The following SIPA1L3 variants were observed in gnomAD, a reference collection of about 807,000 sequenced individuals.
SIPA1L3 encodes signal induced proliferation associated 1 like 3, also known as signal-induced proliferation-associated 1-like protein 3.
A neutral mutation model predicts 150.1 loss-of-function variants in SIPA1L3; 59 were observed. The observed-to-expected ratio is 0.39, with a 90% CI of 0.32 to 0.49. The LOEUF (loss-of-function observed/expected upper bound fraction) is 0.49, where lower values mean the gene tolerates loss of function less well. SIPA1L3 is among the 20% of genes least tolerant of loss of function. The pLI is 0.86. For missense variants in SIPA1L3, 2,211 were observed against 2,489.5 expected, an observed-to-expected ratio of 0.89 and a Z score of 2.38; for synonymous variants, 1,070 against 1,077.6, an observed-to-expected ratio of 0.99 and a Z score of 0.14.
intron 1 of SIPA1L3, among the ~76,000 whole-genome samples, chr19:37,987,326 G>A (rs1260827842): frequency 6.6e-6 from 1 of 152,172 alleles, no homozygotes; most frequent in Admixed American, 6.5e-5. Flanking sequence ...CTTTTCAGAT[G>A]TGTAGAATCT....
intron 13 of SIPA1L3, among the ~76,000 whole-genome samples, chr19:38,160,315 A>T (rs948789850): frequency 2.1e-5 from 3 of 145,286 alleles, no homozygotes; most frequent in Non-Finnish European, 4.6e-5. Flanking sequence ...CACCTGGCCA[A>T]TTTTTTTTTA....
chr19:38,084,762 C>A (rs1335592116), intron 3 of SIPA1L3, among the ~76,000 whole-genome samples: 1 of 151,446 alleles, frequency 6.6e-6, no homozygotes, highest in Admixed American at 6.6e-5. Flanking sequence ...GCCTCAGCCT[C>A]CTGAGTAGCT....
chr19:38,058,628 T>C (rs1018224583), intron 2 of SIPA1L3, among the ~76,000 whole-genome samples: 5 of 152,100 alleles, frequency 3.3e-5, no homozygotes, highest in African/African-American at 1.2e-4. Flanking sequence ...AAATCTCTTA[T>C]AGGAGAGAGA....
rs145912325 is a variant in SIPA1L3, at chr19:38,009,039, C to T, written c.-378-20050C>T. On this transcript the variant is annotated intron_variant, in intron 1 of 21. Coordinates refer to ENST00000222345, the MANE Select transcript of SIPA1L3 (RefSeq NM_015073.3). ...TTCTGGCCTGGTTTTTTTTTGTTTT[C>T]GTTTGTTTGGTTTTGAGAGGAGTCT... 2.7e-3 allele frequency among the ~76,000 whole-genome samples: 414 copies of T among 151,618 alleles called. 1 individual carries two copies. Among genetic ancestry groups the T allele is most frequent in the African/African-American group, 9.4e-3 (390 of 41,346 alleles).
intron 1 of SIPA1L3, among the ~76,000 whole-genome samples, chr19:37,929,705 C>G (rs1198167024): frequency 1.3e-5 from 2 of 152,248 alleles, no homozygotes; most frequent in Non-Finnish European, 1.5e-5. Context: ...GCTGTTTCCC[C>G]CTCTGAGGGC....
intron 1 of SIPA1L3, among the ~76,000 whole-genome samples, chr19:37,914,401 GC>G (rs1323378306): frequency 6.8e-6 from 1 of 147,250 alleles, no homozygotes; most frequent in East Asian, 2.0e-4. Context: ...GGCAGGGTCT[GC>G]TCTGTCGCCC....
chr19:38,030,683 G>A (rs1217342679), intron 2 of SIPA1L3, among the ~76,000 whole-genome samples: 1 of 142,102 alleles, frequency 7.0e-6, no homozygotes, highest in African/African-American at 2.8e-5. Context: ...TATAGGTTTT[G>A]AATATGTTAT....
intron 13 of SIPA1L3, among the ~76,000 whole-genome samples, chr19:38,161,353 A>G (rs1411559257): frequency 6.6e-6 from 1 of 151,436 alleles, no homozygotes; most frequent in African/African-American, 2.4e-5. Flanking sequence ...AAAAAAAAAA[A>G]AAAAAAAACT....
chr19:38,023,051 G>A (rs1284874298), intron 1 of SIPA1L3, among the ~76,000 whole-genome samples: 1 of 152,244 alleles, frequency 6.6e-6, no homozygotes, highest in Non-Finnish European at 1.5e-5. Flanking sequence ...CCAATCTGCT[G>A]TGTGTGGAAT....
At chr19:38,063,543 G>C (rs1443688111) in intron 2 of SIPA1L3, among the ~76,000 whole-genome samples, 1 of 152,262 alleles carries the variant, frequency 6.6e-6, no homozygotes, top group Non-Finnish European at 1.5e-5. Context: ...AACAGATGCG[G>C]TCTTAGCAGG....
Position 38,141,261 on chromosome 19 carries a change from C to T in SIPA1L3, c.3221C>T (p.Pro1074Leu), listed in dbSNP as rs1971574845. The T allele has an allele frequency of 6.2e-7, 1 of 1,613,764 alleles. No homozygotes were observed. Among genetic ancestry groups the T allele is most frequent in the East Asian group, 2.2e-5 (1 of 44,826 alleles). The change falls in exon 11 of 22, where the codon CCC (proline) becomes CTC (leucine). Residue 1074 changes from proline to leucine, a missense_variant. Around this residue, in one of 5 missense-constraint regions of SIPA1L3, gnomAD observed 806 missense variants for 870.1 expected, o/e 0.93. Transcript: ENST00000222345. Reference sequence around the variant, plus strand: ...GAAAGCATCACTCCTGGGGGCCGGCCCCCCTACCGCAGCAATGCTCCCTGG... The same window carrying T: ...GAAAGCATCACTCCTGGGGGCCGGCTCCCCTACCGCAGCAATGCTCCCTGG... ...EQESITPGGR[P>L]PYRSNAPWQW... is the part of the protein sequence containing the mutation.
intron 2 of SIPA1L3, among the ~76,000 whole-genome samples, chr19:38,065,735 C>T (rs1202128672): frequency 6.6e-6 from 1 of 152,078 alleles, no homozygotes; most frequent in African/African-American, 2.4e-5. Context: ...CACTTCACAC[C>T]ATGCTTGGCG....
At chr19:38,095,597 G>C (rs1387675547) in intron 4 of SIPA1L3, among the ~76,000 whole-genome samples, 1 of 152,168 alleles carries the variant, frequency 6.6e-6, no homozygotes, top group Non-Finnish European at 1.5e-5. Flanking sequence ...GCAGAGGAAG[G>C]CTGTGATCTG....
At chr19:38,117,334 T>C (rs1970909874) in intron 8 of SIPA1L3, among the ~76,000 whole-genome samples, 1 of 152,082 alleles carries the variant, frequency 6.6e-6, no homozygotes, top group African/African-American at 2.4e-5. Context: ...AAGGATCACC[T>C]AGGGGCTGGG....
At chr19:38,131,374 T>TG (rs1971302600) in intron 10 of SIPA1L3, among the ~76,000 whole-genome samples, 1 of 152,192 alleles carries the variant, frequency 6.6e-6, no homozygotes, top group Admixed American at 6.5e-5. Flanking sequence ...TGTGGTTTTC[T>TG]GGCCAGCGGG....
At position 38,101,140 on chromosome 19, in the gene SIPA1L3, C is replaced by T; in HGVS notation, c.1943C>T (p.Pro648Leu). 6.2e-7 allele frequency: 1 copy of T among 1,611,120 alleles called. No homozygotes were observed. Among genetic ancestry groups the T allele is most frequent in the Admixed American group, 1.7e-5 (1 of 59,672 alleles). The change falls in exon 6 of 22, where the codon CCC becomes CTC. Residue 648 changes from proline (P) to leucine (L), a missense_variant. Pro to Leu is a moderately conservative substitution (Grantham distance 98). Transcript: ENST00000222345. Reference protein sequence around the residue: ...EEMYNNEEAGPAFEEFLSLIG... With the variant: ...EEMYNNEEAGLAFEEFLSLIG... ...ATGTACAACAATGAGGAGGCCGGCC[C>T]CGCCTTTGAGGAGTTCCTCTCCCTC... is the stretch of plus-strand genomic sequence containing the variant.
At chr19:38,004,588 C>G (rs898191906) in intron 1 of SIPA1L3, among the ~76,000 whole-genome samples, 6 of 152,200 alleles carry the variant, frequency 3.9e-5, no homozygotes, top group African/African-American at 1.4e-4. Context: ...GGCTTGTGTC[C>G]TTATCCCTGT....
intron 1 of SIPA1L3, among the ~76,000 whole-genome samples, chr19:37,916,799 A>G (rs1230729569): frequency 6.6e-6 from 1 of 152,080 alleles, no homozygotes; most frequent in East Asian, 1.9e-4. Context: ...ATCTCTACTT[A>G]AAATACAAAA....
Position 38,162,240 on chromosome 19 carries a change from T to C in SIPA1L3, c.3662-13T>C, listed in dbSNP as rs1972105324. ...CACTCCTAACCACTGGTGTGTCTCC[T>C]GTTTTCCTACAGAGCCTTTGTGGCA... On this transcript the variant is annotated splice_polypyrimidine_tract_variant and intron_variant, in intron 13 of 21. Coordinates refer to ENST00000222345, the MANE Select transcript of SIPA1L3 (RefSeq NM_015073.3). The C allele has an allele frequency of 6.2e-7, 1 of 1,610,026 alleles. No individual in the cohort carries two copies. Among genetic ancestry groups the C allele is most frequent in the Admixed American group, 1.7e-5 (1 of 60,006 alleles).
Sources: allele counts gnomAD v4.1 joint callset (sites outside exome capture counted in the v4.1 genomes callset), GRCh38; gene constraint gnomAD v4.1.1; regional missense constraint gnomAD v4.1.1; transcripts MANE v1.5; gene names NCBI Gene and HGNC (gene_info 2026-07-23, HGNC 2026-07-21).